The following STARD13 variants were observed in gnomAD, a reference collection of about 807,000 sequenced individuals.
STARD13 encodes stAR-related lipid transfer protein 13.
A neutral mutation model predicts 106.4 loss-of-function variants in STARD13; 62 were observed. The observed-to-expected ratio is 0.58, with a 90% confidence interval of 0.48 to 0.72. The LOEUF (loss-of-function observed/expected upper bound fraction) is 0.72, where lower values mean the gene tolerates loss of function less well. Among genes scored for constraint, STARD13 ranks in the 30% least tolerant of loss-of-function variants. STARD13 has a pLI of 0.00. For missense variants in STARD13, 1,387 were observed against 1,424.0 expected (o/e 0.97, Z 0.42); for synonymous variants, 565 against 553.0 (o/e 1.02, Z -0.31).
In STARD13 at chr13:33,188,176, G is replaced by C. The variant is rs919902796; in HGVS notation, c.170-20554C>G. 2.6e-5 allele frequency: 4 copies of C among 152,226 alleles called. 1 individual carries two copies. The East Asian group carries it at 5.8e-4, about 22-fold the overall frequency. The allele number at this position is 152,226 out of a possible 1,614,324, so 9.4% of individuals were successfully genotyped here. A position where few individuals can be genotyped will look rare whatever the true frequency, so the allele number is the denominator to read the frequency against. ...CTTTAGCCACAGCAGATGTTCCAGTGCCCAGGTGACCTAGAAGCTTCATGT... is the reference window on the plus strand; with the variant it reads ...CTTTAGCCACAGCAGATGTTCCAGTCCCCAGGTGACCTAGAAGCTTCATGT... On this transcript the variant is annotated intron_variant, in intron 1 of 13. Coordinates refer to ENST00000336934, the MANE Select transcript of STARD13 (RefSeq NM_178006.4).
chr13:33,330,812 C>T (rs1217039908), intron 1 of STARD13, among the ~76,000 whole-genome samples: 3 of 152,190 alleles, frequency 2.0e-5, no homozygotes, highest in East Asian at 1.9e-4. Flanking sequence ...CCCCAGAGAC[C>T]GGAAACCCAG....
At chr13:33,529,155 A>G in the STARD13 span, among the ~76,000 whole-genome samples, 1 of 152,172 alleles carries the variant, frequency 6.6e-6, no homozygotes, top group Non-Finnish European at 1.5e-5. Flanking sequence ...TGCAAAAAAA[A>G]GGAACCAGGG....
At chr13:33,572,746 C>T in the STARD13 span, among the ~76,000 whole-genome samples, 16 of 152,152 alleles carry the variant, frequency 1.1e-4, no homozygotes, top group East Asian at 3.9e-4. Context: ...AAAGCAAAAA[C>T]GGAACTGGAT....
chr13:33,251,053 A>G (rs557836136), intron 1 of STARD13, among the ~76,000 whole-genome samples: 87 of 152,212 alleles, frequency 5.7e-4, no homozygotes, highest in Non-Finnish European at 9.7e-4. Flanking sequence ...AGAGAACAAG[A>G]TAAGATCAAG....
the STARD13 span, among the ~76,000 whole-genome samples, chr13:33,609,079 C>T: frequency 9.1e-6 from 1 of 109,644 alleles, no homozygotes; most frequent in Non-Finnish European, 1.7e-5. Context: ...GAGCGAGACT[C>T]CGTCTCAAAA....
chr13:33,447,125 G>T, the STARD13 span, among the ~76,000 whole-genome samples: 3 of 152,156 alleles, frequency 2.0e-5, no homozygotes, highest in Admixed American at 6.5e-5. Context: ...ATCCAGTTTA[G>T]TTAATAGATT....
intron 1 of STARD13, among the ~76,000 whole-genome samples, chr13:33,221,476 C>A (rs183321981): frequency 2.0e-5 from 3 of 152,214 alleles, no homozygotes; most frequent in African/African-American, 7.2e-5. Flanking sequence ...CTGACAGTAG[C>A]GCAAAAGCAT....
At chr13:33,122,096 T>A (rs1876420123) in intron 7 of STARD13, among the ~76,000 whole-genome samples, 1 of 152,184 alleles carries the variant, frequency 6.6e-6, no homozygotes, top group South Asian at 2.1e-4. Context: ...TTCACCAGCT[T>A]CGGCCTCCCA....
chr13:33,538,340 G>C, the STARD13 span, among the ~76,000 whole-genome samples: 1 of 152,168 alleles, frequency 6.6e-6, no homozygotes, highest in Non-Finnish European at 1.5e-5. Context: ...GAGAAGCTGA[G>C]AAGAGATTGC....
chr13:33,653,408 C>A, the STARD13 span, among the ~76,000 whole-genome samples: 1 of 152,064 alleles, frequency 6.6e-6, no homozygotes, highest in Non-Finnish European at 1.5e-5. Flanking sequence ...GACAAGAATG[C>A]CAATGCTATT....
At chr13:33,428,124 A>C in the STARD13 span, among the ~76,000 whole-genome samples, 1 of 152,214 alleles carries the variant, frequency 6.6e-6, no homozygotes, top group African/African-American at 2.4e-5. Flanking sequence ...GGATATACAC[A>C]TGCAGAAGAA....
chr13:33,474,338 T>C, the STARD13 span, among the ~76,000 whole-genome samples: 1 of 152,196 alleles, frequency 6.6e-6, no homozygotes. Flanking sequence ...GTACATAGCC[T>C]TCATTGAATT....
intron 3 of STARD13, among the ~76,000 whole-genome samples, chr13:33,143,498 G>T (rs1486752704): frequency 6.6e-6 from 1 of 152,140 alleles, no homozygotes; most frequent in African/African-American, 2.4e-5. Context: ...CACACAATTG[G>T]GTTACCTATT....
the STARD13 span, among the ~76,000 whole-genome samples, chr13:33,375,519 C>T: frequency 1.3e-5 from 2 of 152,114 alleles, no homozygotes; most frequent in Non-Finnish European, 2.9e-5. Flanking sequence ...GTTCAATTGA[C>T]TCACAGTTCA....
chr13:33,571,818 G>A, the STARD13 span, among the ~76,000 whole-genome samples: 1 of 152,102 alleles, frequency 6.6e-6, no homozygotes, highest in East Asian at 1.9e-4. Context: ...CTATGAAGTG[G>A]AGAATATTTA....
chr13:33,441,970 A>C, the STARD13 span, among the ~76,000 whole-genome samples: 1 of 152,238 alleles, frequency 6.6e-6, no homozygotes. Context: ...TTTGTGACAC[A>C]CAGAGGAGAA....
chr13:33,279,878 C>T (rs1009839659), intron 1 of STARD13: 10 of 152,092 alleles, frequency 6.6e-5, no homozygotes, highest in African/African-American at 2.4e-4. Flanking sequence ...TTTGGTTAAA[C>T]AGTATCCTTT....
At chr13:33,341,253 G>T (rs2077955849) in intron 1 of STARD13, among the ~76,000 whole-genome samples, 1 of 152,192 alleles carries the variant, frequency 6.6e-6, no homozygotes, top group Admixed American at 6.5e-5. Context: ...GCACAAAAGA[G>T]AAGTAGATAT....
the STARD13 span, among the ~76,000 whole-genome samples, chr13:33,590,786 T>C: frequency 6.6e-6 from 1 of 151,908 alleles, no homozygotes; most frequent in Admixed American, 6.6e-5. Context: ...AGCACAGCAA[T>C]ATGGCACATG....
Sources: allele counts gnomAD v4.1 joint callset (sites outside exome capture counted in the v4.1 genomes callset), GRCh38; gene constraint gnomAD v4.1.1; transcripts MANE v1.5; gene names NCBI Gene and HGNC (gene_info 2026-07-23, HGNC 2026-07-21).